CFAP70: variants seen among roughly 807,000 people sequenced by gnomAD.
CFAP70 encodes the protein cilia- and flagella-associated protein 70.
A neutral mutation model predicts 137.6 loss-of-function variants in CFAP70; 81 were observed. The observed-to-expected ratio is 0.59, with a 90% CI of 0.49 to 0.71. The LOEUF is 0.71. Among genes scored for constraint, CFAP70 ranks in the 30% least tolerant of loss-of-function variants. The pLI, the probability that CFAP70 is intolerant of heterozygous loss-of-function variation, is 0.00. For missense variants in CFAP70, 976 were observed against 1,226.7 expected (o/e 0.80, Z 3.05); for synonymous variants, 382 against 423.6 (o/e 0.90, Z 1.20).
intron 11 of CFAP70, among the ~76,000 whole-genome samples, chr10:73,311,170 CCTAA>C (rs2049884104): frequency 6.6e-6 from 1 of 152,162 alleles, no homozygotes; most frequent in African/African-American, 2.4e-5. Flanking sequence ...TTTCTTCTTT[CCTAA>C]CTCTTTATAG....
intron 1 of CFAP70, among the ~76,000 whole-genome samples, chr10:73,355,206 G>A (rs192831532): frequency 3.8e-4 from 58 of 152,264 alleles, no homozygotes; most frequent in Middle Eastern, 6.8e-3. Flanking sequence ...AGCAGCAGGC[G>A]AGCAAGCAAA....
chr10:73,299,022 T>C (rs1589396897), exon 14 of CFAP70: 4 of 1,613,976 alleles, frequency 2.5e-6, no homozygotes, highest in Non-Finnish European at 3.4e-6. Flanking sequence ...TTTGGCCACC[T>C]GTTTTCCAAA....
At chr10:73,279,206 C>A (rs1398451934) in intron 19 of CFAP70, 1 of 151,644 alleles carries the variant, frequency 6.6e-6, no homozygotes, top group Non-Finnish European at 1.5e-5. Flanking sequence ...TAAATACGTA[C>A]AAATACTATA....
exon 27 of CFAP70, chr10:73,253,833 C>T (rs933434227): frequency 1.4e-5 from 8 of 578,190 alleles, no homozygotes; most frequent in Non-Finnish European, 2.0e-5. Context: ...TCCAGTAACA[C>T]AGCCAATGGA....
intron 1 of CFAP70, among the ~76,000 whole-genome samples, chr10:73,357,291 A>C (rs772123240): frequency 3.9e-5 from 6 of 152,198 alleles, no homozygotes; most frequent in Admixed American, 6.5e-5. Flanking sequence ...ACCAGCAGTC[A>C]TACAGCAAGG....
intron 25 of CFAP70, among the ~76,000 whole-genome samples, chr10:73,257,211 G>A (rs2044612974): frequency 6.6e-6 from 1 of 152,182 alleles, no homozygotes; most frequent in African/African-American, 2.4e-5. Context: ...GGGTTATGAA[G>A]CTAGTAAGTA....
intron 12 of CFAP70, among the ~76,000 whole-genome samples, chr10:73,307,914 G>A (rs187264247): frequency 1.3e-5 from 2 of 151,712 alleles, no homozygotes; most frequent in East Asian, 3.9e-4. Context: ...GGAGGCTGAG[G>A]CGGGCAGATT....
At chr10:73,336,395 T>C (rs12249585) in intron 6 of CFAP70, among the ~76,000 whole-genome samples, 16,066 of 152,104 alleles carry the variant, frequency 0.11, 1,228 homozygotes, top group East Asian at 0.3. Flanking sequence ...ATCACAATGA[T>C]GAGAAAAGAT....
chr10:73,331,439 G>A (rs1184326816), intron 7 of CFAP70, among the ~76,000 whole-genome samples, 163 bp from the exon 9 acceptor site: 1 of 152,202 alleles, frequency 6.6e-6, no homozygotes, highest in Non-Finnish European at 1.5e-5. Flanking sequence ...CCAGCACTTT[G>A]AGAGGCCAAG....
At position 73,324,601 on chromosome 10, in the gene CFAP70, G is replaced by A. The variant is rs1440906608; in HGVS notation, c.778-1504C>T. On this transcript the variant is annotated intron_variant, in intron 8 of 26. Coordinates refer to ENST00000310715, the Ensembl canonical transcript of CFAP70. ...TAAAAACTTTGAAAAAAATTTAGAC[G>A]AATATATAACTAGAATAACCAATAC... 4.6e-5 allele frequency among the ~76,000 whole-genome samples: 7 copies of A among 152,244 alleles called. No homozygotes were observed. The South Asian group carries it at 8.3e-4, about 18-fold the overall frequency.
At chr10:73,290,837 A>T (rs902311854) in intron 19 of CFAP70, among the ~76,000 whole-genome samples, 2 of 152,126 alleles carry the variant, frequency 1.3e-5, no homozygotes, top group African/African-American at 4.8e-5. Flanking sequence ...AAACAATTGA[A>T]TCTCAACAGT....
chr10:73,256,325 C>A (rs76394644), intron 26 of CFAP70, 44 bp downstream of exon 27: 2 of 1,611,474 alleles, frequency 1.2e-6, no homozygotes, highest in Middle Eastern at 1.7e-4. Context: ...AATTTCCCAC[C>A]CTTAACATGG....
chr10:73,312,436 T>C, intron 10 of CFAP70, 37 bp downstream of exon 11: 2 of 1,489,414 alleles, frequency 1.3e-6, no homozygotes, highest in Non-Finnish European at 1.8e-6. Flanking sequence ...TGGAATGTAA[T>C]CTAAGAGGCA....
intron 25 of CFAP70, among the ~76,000 whole-genome samples, chr10:73,260,247 G>T (rs2045015880): frequency 6.6e-6 from 1 of 151,954 alleles, no homozygotes; most frequent in South Asian, 2.1e-4. Flanking sequence ...CAGCTACTCA[G>T]GAGGCTGAAA....
chr10:73,320,769 G>A (rs1315721767), intron 9 of CFAP70, among the ~76,000 whole-genome samples: 3 of 151,606 alleles, frequency 2.0e-5, no homozygotes, highest in Non-Finnish European at 2.9e-5. Flanking sequence ...CCAGGTTCGA[G>A]CAATTCTCCT....
At chr10:73,286,906 C>T (rs1171283448) in intron 19 of CFAP70, among the ~76,000 whole-genome samples, 1 of 152,224 alleles carries the variant, frequency 6.6e-6, no homozygotes, top group Non-Finnish European at 1.5e-5. Context: ...TAGTTATCTG[C>T]AGCAGAAACA....
intron 25 of CFAP70, among the ~76,000 whole-genome samples, chr10:73,263,230 G>T (rs965914473): frequency 4.8e-5 from 7 of 146,002 alleles, no homozygotes; most frequent in Non-Finnish European, 7.4e-5. Flanking sequence ...CTCCCAAGTA[G>T]CTGGGACTAC....
At position 73,332,185 on chromosome 10, in the gene CFAP70, G is replaced by T. The variant is rs568675832; in HGVS notation, c.678-909C>A. Among the ~76,000 whole-genome samples, 155 of 152,240 alleles carry T rather than the reference G, an allele frequency of 1.0e-3. 1 individual carries two copies. The highest frequency in any genetic ancestry group is 3.3e-3 in the Admixed American group (50 of 15,290). On this transcript the variant is annotated intron_variant, in intron 7 of 26. Transcript: ENST00000310715. ...GTAGAAATAGTTTAATGATAATTTTGACAAATTGCTGGAGGCTAAATGTGG... is the reference window on the plus strand; with the variant it reads ...GTAGAAATAGTTTAATGATAATTTTTACAAATTGCTGGAGGCTAAATGTGG...
intron 19 of CFAP70, among the ~76,000 whole-genome samples, chr10:73,285,960 A>G (rs1399508020): frequency 6.6e-6 from 1 of 152,060 alleles, no homozygotes; most frequent in Non-Finnish European, 1.5e-5. Context: ...TTGCATGGGT[A>G]TATGAGTTTC....
Sources: gnomAD v4.1 joint callset for allele counts (sites outside exome capture counted in the v4.1 genomes callset) on GRCh38, gnomAD v4.1.1 for gene constraint, MANE v1.5 for transcripts, NCBI Gene and HGNC (gene_info 2026-07-23, HGNC 2026-07-21) for gene names.